DFFB: variants seen among roughly 807,000 people sequenced by gnomAD.
DFFB encodes the protein DNA fragmentation factor subunit beta.
Under a neutral mutation model 32.7 loss-of-function variants are expected in DFFB, and 29 were observed. That is an observed-to-expected ratio of 0.89 (90% CI 0.66 to 1.21). The LOEUF is 1.21. DFFB is among the 50% of genes most tolerant of loss of function. DFFB has a pLI of 0.00. For missense variants in DFFB, 398 were observed against 440.6 expected (o/e 0.90, Z 0.87); for synonymous variants, 170 against 177.1 (o/e 0.96, Z 0.32).
rs1426667801 is a variant in DFFB, at chr1:3,865,509, G to C, written c.242-303G>C. 4 of 532,168 alleles carry C rather than the reference G, an allele frequency of 7.5e-6. No individual in the cohort carries two copies. Among genetic ancestry groups the C allele is most frequent in the African/African-American group, 1.9e-5 (1 of 52,278 alleles). The allele number at this position is 532,168 out of a possible 1,614,324, so 33.0% of individuals were successfully genotyped here. ...AAGGTCTCCAGGAAGGGCCAAAGTG[G>C]GGGGCGTATGGTTTGGAGGGGAGGA... On this transcript the variant is annotated intron_variant, in intron 2 of 6. Coordinates refer to ENST00000378209, the MANE Select transcript of DFFB (RefSeq NM_004402.4). The surrounding 1 kb of genome is among the most constrained non-coding windows in gnomAD (Gnocchi z 4.7).
At chr1:3,864,917 CTT>C (rs1358119479) in intron 2 of DFFB, among the ~76,000 whole-genome samples, 1 of 152,136 alleles carries the variant, frequency 6.6e-6, no homozygotes, top group African/African-American at 2.4e-5. Context: ...CTTCCTGTCT[CTT>C]GTCCTTTTTC....
At chr1:3,878,105 G>A (rs1645260932) in intron 6 of DFFB, among the ~76,000 whole-genome samples, 1 of 152,018 alleles carries the variant, frequency 6.6e-6, no homozygotes, top group Non-Finnish European at 1.5e-5. Flanking sequence ...TGTCCCCAGT[G>A]TGTGGGACGT....
chr1:3,876,877 C>T (rs1026099747), intron 6 of DFFB, among the ~76,000 whole-genome samples: 2 of 152,238 alleles, frequency 1.3e-5, no homozygotes, highest in African/African-American at 2.4e-5. Flanking sequence ...TCAGCCTGTC[C>T]GAGGAAGACG....
chr1:3,871,073 G>C (rs571781169), intron 5 of DFFB, among the ~76,000 whole-genome samples: 1 of 152,300 alleles, frequency 6.6e-6, no homozygotes. Context: ...TGGCTGGAAA[G>C]GGAGCCTCTG....
At chr1:3,869,250 G>C (rs1027700921) in intron 4 of DFFB, among the ~76,000 whole-genome samples, 1 of 152,198 alleles carries the variant, frequency 6.6e-6, no homozygotes. Context: ...TAGTAGAAAT[G>C]GGGTTTCACC....
intron 6 of DFFB, among the ~76,000 whole-genome samples, chr1:3,877,807 T>C (rs758507805): frequency 1.7e-4 from 26 of 152,202 alleles, no homozygotes; most frequent in Non-Finnish European, 1.5e-4. Context: ...TAGATGTTCA[T>C]AACACTCAGC....
chr1:3,881,992 A>G (rs1377877317), intron 6 of DFFB, among the ~76,000 whole-genome samples: 1 of 152,028 alleles, frequency 6.6e-6, no homozygotes, highest in African/African-American at 2.4e-5. Flanking sequence ...TCTAAACCCC[A>G]CTTGTTACTG....
At chr1:3,879,203 G>A (rs1211446143) in intron 6 of DFFB, among the ~76,000 whole-genome samples, 1 of 152,164 alleles carries the variant, frequency 6.6e-6, no homozygotes, top group African/African-American at 2.4e-5. Flanking sequence ...CTTGTGCTGA[G>A]GACACACTTT....
rs1353729638 is a variant in DFFB at position 3,858,789 on chromosome 1, T to C, written c.186T>C (p.Ser62=). 5 of 1,614,152 alleles carry C rather than the reference T, an allele frequency of 3.1e-6. No individual in the cohort carries two copies. Among genetic ancestry groups the C allele is most frequent in the South Asian group, 1.1e-5 (1 of 91,088 alleles). The change falls in exon 2 of 7, where the codon AGT becomes AGC. Residue 62 remains serine, a synonymous_variant. Transcript: ENST00000378209. ...AGCTGACGGAAGATTACTTCCCCAG[T>C]GTTCCCGACAACGCCGAGCTGGTGC... ...GTELTEDYFP[S]VPDNAELVLL... is the part of the protein sequence containing the mutation.
chr1:3,872,414 G>GAAAA, intron 5 of DFFB, 58 bp from the exon 6 acceptor site: 5 of 1,070,794 alleles, frequency 4.7e-6, no homozygotes, highest in Admixed American at 2.4e-5. Flanking sequence ...GCTGTCTCAA[G>GAAAA]AAAAAAAAAA....
intron 6 of DFFB, among the ~76,000 whole-genome samples, chr1:3,877,823 A>G (rs1041864560): frequency 1.3e-5 from 2 of 151,882 alleles, no homozygotes; most frequent in African/African-American, 2.4e-5. Flanking sequence ...TCAGCACCTC[A>G]GTTCCACTGT....
chr1:3,870,844 C>T (rs940141667), intron 5 of DFFB, among the ~76,000 whole-genome samples: 4 of 151,982 alleles, frequency 2.6e-5, no homozygotes, highest in African/African-American at 9.7e-5. Context: ...GTGGGCTCTG[C>T]TGGGGAGGCT....
chr1:3,867,191 C>G (rs924963167), intron 3 of DFFB, among the ~76,000 whole-genome samples: 1 of 152,260 alleles, frequency 6.6e-6, no homozygotes, highest in Non-Finnish European at 1.5e-5. Flanking sequence ...CCACCACGTT[C>G]AGCCAATTTC....
At chr1:3,870,201 C>T (rs142570013) in intron 5 of DFFB, among the ~76,000 whole-genome samples, 1 of 152,340 alleles carries the variant, frequency 6.6e-6, no homozygotes, top group Non-Finnish European at 1.5e-5. Context: ...GTGGTCTGGC[C>T]TTTAGTGGTG....
rs573651889 is a variant in DFFB at position 3,869,733 on chromosome 1, C to T, written c.639C>T (p.Gly213=). The T allele has an allele frequency of 2.9e-5, 46 of 1,609,924 alleles. 1 individual carries two copies. The South Asian group carries it at 3.4e-4, about 12-fold the overall frequency. Residue 213 remains glycine, a synonymous_variant, in exon 5 of 7, where the codon GGC becomes GGT. Coordinates refer to ENST00000378209, the MANE Select transcript of DFFB (RefSeq NM_004402.4). ...GCTACTTCGACAGAGGAGCCAAGGG[C>T]GGCAGCCGCCTCTGCACACCGGAAG... ...NGSYFDRGAK[G]GSRLCTPEGW... is the part of the protein sequence containing the mutation.
rs767628200 is a variant in DFFB, at chr1:3,869,677, C to G, written c.583C>G (p.Gln195Glu). The change falls in exon 5 of 7, where the codon CAG (glutamine) becomes GAG (glutamate). Residue 195 changes from glutamine to glutamate, a missense_variant. Gln to Glu is a conservative substitution (Grantham distance 29). Coordinates refer to ENST00000378209, the MANE Select transcript of DFFB (RefSeq NM_004402.4). ...CCTGCGGGTCCTCGGCTCCATGTGC[C>G]AGAGGCTCCGGTCCATGCAGTACAA... ...EFLRVLGSMCQRLRSMQYNGS... is the reference protein window; with the variant it reads ...EFLRVLGSMCERLRSMQYNGS... The G allele has an allele frequency of 4.3e-6, 7 of 1,613,406 alleles. No individual in the cohort carries two copies. In the East Asian group the frequency reaches 1.6e-4, roughly 36 times the overall value.
chr1:3,866,299 C>T (rs748427546), intron 3 of DFFB: 31 of 466,620 alleles, frequency 6.6e-5, no homozygotes, highest in Middle Eastern at 5.1e-4. Context: ...AGTGCAGTGG[C>T]GTGATCTTGG....
intron 4 of DFFB, among the ~76,000 whole-genome samples, chr1:3,868,674 A>ACGCCACACCAAG (rs1557716256): frequency 1.3e-4 from 1 of 7,514 alleles, no homozygotes; most frequent in African/African-American, 5.7e-4. Flanking sequence ...ACCACACCAC[A>ACGCCACACCAAG]CCACGCCACA....
Position 3,860,984 on chromosome 1 carries a change from G to A in DFFB, c.241+2140G>A, listed in dbSNP as rs61768955. On this transcript the variant is annotated intron_variant, in intron 2 of 6. Transcript: ENST00000378209. ...AGCCTGGGCAACATGGTGAAACCCC[G>A]TCTCTACTAAAAATACAAAAATTAG... 5.9e-3 allele frequency among the ~76,000 whole-genome samples: 892 copies of A among 152,096 alleles called. 3 individuals are homozygous for A. Among genetic ancestry groups the A allele is most frequent in the Non-Finnish European group, 9.5e-3 (645 of 67,988 alleles).
Sources: allele counts gnomAD v4.1 joint callset (sites outside exome capture counted in the v4.1 genomes callset), GRCh38; gene constraint gnomAD v4.1.1; non-coding constraint Gnocchi (gnomAD v3.1); transcripts MANE v1.5; gene names NCBI Gene and HGNC (gene_info 2026-07-23, HGNC 2026-07-21).